The following SNCAIP variants were observed in gnomAD, a reference collection of about 807,000 sequenced individuals.
SNCAIP encodes the protein synuclein alpha interacting protein.
Under a neutral mutation model 86.7 loss-of-function variants are expected in SNCAIP, and 43 were observed. The observed-to-expected ratio is 0.50, with a 90% CI of 0.39 to 0.64. The LOEUF (loss-of-function observed/expected upper bound fraction) is 0.64, where lower values mean the gene tolerates loss of function less well. SNCAIP is among the 30% of genes least tolerant of loss of function. The probability of loss-of-function intolerance (pLI) is 0.00; values close to 1 mark genes in which losing one functional copy is unlikely to be tolerated. For synonymous variants in SNCAIP, 417 were observed against 427.2 expected (o/e 0.98, Z 0.29); for missense variants, 981 against 1,103.1 (o/e 0.89, Z 1.57).
At chr5:122,359,251 A>G (rs1331263527) in intron 1 of SNCAIP, among the ~76,000 whole-genome samples, 1 of 151,858 alleles carries the variant, frequency 6.6e-6, no homozygotes, top group Non-Finnish European at 1.5e-5. Context: ...GAAATGTATT[A>G]GATTAAAACA....
At chr5:122,323,670 T>C (rs1051948985) in intron 1 of SNCAIP, among the ~76,000 whole-genome samples, 1 of 152,232 alleles carries the variant, frequency 6.6e-6, no homozygotes, top group African/African-American at 2.4e-5. Flanking sequence ...AATGAAGTTT[T>C]CTATTTGTTA....
At chr5:122,397,619 A>ACCATT (rs1770898489) in intron 2 of SNCAIP, among the ~76,000 whole-genome samples, 1 of 152,190 alleles carries the variant, frequency 6.6e-6, no homozygotes, top group Non-Finnish European at 1.5e-5. Flanking sequence ...AATGGAGCCC[A>ACCATT]AATGGTGGGA....
At chr5:122,453,004 T>C in intron 10 of SNCAIP, 1 of 1,527,318 alleles carries the variant, frequency 6.5e-7, no homozygotes, top group Non-Finnish European at 8.9e-7. Flanking sequence ...CGGTACGTGG[T>C]GCTAGGAGAT....
At chr5:122,395,172 C>A (rs1770331126) in intron 2 of SNCAIP, among the ~76,000 whole-genome samples, 1 of 152,136 alleles carries the variant, frequency 6.6e-6, no homozygotes, top group Non-Finnish European at 1.5e-5. Context: ...TTAAGCAAAT[C>A]TTTTAATTTT....
intron 1 of SNCAIP, among the ~76,000 whole-genome samples, chr5:122,348,192 C>G (rs564667469): frequency 1.3e-5 from 2 of 152,080 alleles, no homozygotes; most frequent in East Asian, 3.9e-4. Flanking sequence ...TGTTCAGTTC[C>G]CAAGTATTTT....
At chr5:122,326,639 T>TTA (rs1561514884) in intron 1 of SNCAIP, among the ~76,000 whole-genome samples, 1 of 107,836 alleles carries the variant, frequency 9.3e-6, no homozygotes, top group Admixed American at 9.4e-5. Flanking sequence ...TTTTTTTTTT[T>TTA]ACAATTAAGT....
intron 1 of SNCAIP, among the ~76,000 whole-genome samples, chr5:122,359,712 T>C (rs1415049711): frequency 6.6e-6 from 1 of 152,166 alleles, no homozygotes; most frequent in African/African-American, 2.4e-5. Flanking sequence ...AGATTCACTA[T>C]GCCTCACTCC....
chr5:122,399,001 C>T (rs1580993876), intron 2 of SNCAIP, among the ~76,000 whole-genome samples: 1 of 152,110 alleles, frequency 6.6e-6, no homozygotes, highest in Non-Finnish European at 1.5e-5. Flanking sequence ...GCTGACTTTT[C>T]AGTGTCATCC....
In SNCAIP at chr5:122,448,615, T is replaced by A. The variant is rs980205602; in HGVS notation, c.1593-1230T>A. 1.7e-3 allele frequency among the ~76,000 whole-genome samples: 236 copies of A among 141,030 alleles called. 1 individual carries two copies. The highest frequency in any genetic ancestry group is 6.0e-3 in the South Asian group (28 of 4,704). 92.5% of individuals were successfully genotyped at this position (141,030 alleles called of 152,430 possible). A position where few individuals can be genotyped will look rare whatever the true frequency, so the allele number is the denominator to read the frequency against. On this transcript the variant is annotated intron_variant, in intron 8 of 10. Transcript: ENST00000261368. ...ATTTTTATATATATTATATATATTT[T>A]TATATATATAATATATATTATATGT... is the stretch of plus-strand genomic sequence containing the variant.
intron 1 of SNCAIP, among the ~76,000 whole-genome samples, chr5:122,330,741 C>T (rs36116173): frequency 6.6e-6 from 1 of 152,134 alleles, no homozygotes; most frequent in East Asian, 1.9e-4. Context: ...ACAATTTTTC[C>T]ATAGTTGGGG....
At chr5:122,376,095 C>T (rs1444948747) in intron 1 of SNCAIP, among the ~76,000 whole-genome samples, 1 of 152,056 alleles carries the variant, frequency 6.6e-6, no homozygotes, top group Admixed American at 6.6e-5. Flanking sequence ...GATTTGGACC[C>T]AGCAGTCTGT....
chr5:122,441,154 G>A, intron 7 of SNCAIP: 1 of 210,344 alleles, frequency 4.8e-6, no homozygotes, highest in Non-Finnish European at 9.7e-6. Flanking sequence ...GGTATATGAA[G>A]AATAAGATAG....
chr5:122,364,836 G>A (rs904726563), intron 1 of SNCAIP, among the ~76,000 whole-genome samples: 2 of 152,050 alleles, frequency 1.3e-5, no homozygotes, highest in African/African-American at 4.8e-5. Context: ...TGTGACCATA[G>A]GCAAGTCACT....
At chr5:122,426,539 C>A (rs1173295017) in intron 5 of SNCAIP, among the ~76,000 whole-genome samples, 1 of 152,000 alleles carries the variant, frequency 6.6e-6, no homozygotes, top group Non-Finnish European at 1.5e-5. Context: ...AAAATAATTT[C>A]CATTTTATTT....
chr5:122,342,886 TTCTTA>T (rs1319514189), intron 1 of SNCAIP, among the ~76,000 whole-genome samples: 3 of 152,250 alleles, frequency 2.0e-5, no homozygotes, highest in Admixed American at 6.5e-5. Flanking sequence ...GGATATGTTA[TTCTTA>T]TCTTATGCAT....
At chr5:122,344,983 G>A (rs1758304356) in intron 1 of SNCAIP, among the ~76,000 whole-genome samples, 1 of 152,164 alleles carries the variant, frequency 6.6e-6, no homozygotes, top group African/African-American at 2.4e-5. Flanking sequence ...CTGAAATGCT[G>A]TAAGCTGAGC....
At chr5:122,351,857 A>G (rs1759920307) in intron 1 of SNCAIP, among the ~76,000 whole-genome samples, 2 of 152,148 alleles carry the variant, frequency 1.3e-5, no homozygotes, top group South Asian at 4.1e-4. Context: ...AGACCAGATG[A>G]TGGCTTTGCT....
At chr5:122,456,252 A>G (rs1349220907) in intron 10 of SNCAIP, among the ~76,000 whole-genome samples, 3 of 152,244 alleles carry the variant, frequency 2.0e-5, no homozygotes, top group Non-Finnish European at 4.4e-5. Flanking sequence ...CCAAGGTATT[A>G]GCCACACTGG....
At chr5:122,434,943 T>C (rs563767710) in intron 6 of SNCAIP, among the ~76,000 whole-genome samples, 1 of 152,300 alleles carries the variant, frequency 6.6e-6, no homozygotes, top group Non-Finnish European at 1.5e-5. Context: ...AAAATTCCTC[T>C]CTTGGTTTAT....
Sources: allele counts gnomAD v4.1 joint callset (sites outside exome capture counted in the v4.1 genomes callset), GRCh38; gene constraint gnomAD v4.1.1; transcripts MANE v1.5; gene names NCBI Gene and HGNC (gene_info 2026-07-23, HGNC 2026-07-21).